The following ZNF280D variants were observed in gnomAD, a reference collection of about 807,000 sequenced individuals.
The protein encoded by ZNF280D is zinc finger protein 280D, also known as suppressor of hairy wing homolog 4.
In ZNF280D, 39 loss-of-function variants were observed where a neutral mutation model predicts 94.7. That is an observed-to-expected ratio of 0.41 (90% CI 0.32 to 0.54). The LOEUF is 0.54. ZNF280D is among the 20% of genes least tolerant of loss of function. The pLI is 0.22. For missense variants in ZNF280D, 1,090 were observed against 1,149.3 expected, an observed-to-expected ratio of 0.95 and a Z score of 0.75; for synonymous variants, 398 against 377.6, an observed-to-expected ratio of 1.05 and a Z score of -0.63.
chr15:56,676,676 C>T lies in ZNF280D; in HGVS notation c.1404G>A (p.Lys468=), dbSNP rs771009169. The change falls in exon 13 of 22, where the codon AAG becomes AAA. Residue 468 remains lysine, a synonymous_variant. Transcript: ENST00000267807. ...AAGAACTGGTAAATCTCACCTGATG[C>T]TTCATATAATGATGCATATATGGTG... ...IATPYMHHYM[K]HQKKGIHRCT... 5.6e-6 allele frequency: 9 copies of T among 1,602,888 alleles called. No homozygotes were observed. The highest frequency in any genetic ancestry group is 6.0e-6 in the Non-Finnish European group (7 of 1,175,924).
intron 7 of ZNF280D, among the ~76,000 whole-genome samples, chr15:56,691,377 T>G (rs1157524923): frequency 1.3e-5 from 2 of 152,168 alleles, no homozygotes; most frequent in Non-Finnish European, 1.5e-5. Flanking sequence ...CACATTCTTG[T>G]GAGATGTTTA....
At chr15:56,706,487 TAACA>T (rs576405212) in intron 3 of ZNF280D, among the ~76,000 whole-genome samples, 1 of 151,184 alleles carries the variant, frequency 6.6e-6, no homozygotes, top group Non-Finnish European at 1.5e-5. Context: ...CAAAACAAAC[TAACA>T]AACAAACAAA....
chr15:56,727,853 T>TA (rs1181265103), intron 1 of ZNF280D, among the ~76,000 whole-genome samples: 5 of 152,242 alleles, frequency 3.3e-5, no homozygotes, highest in Middle Eastern at 6.8e-3. Flanking sequence ...CCCTCAAACT[T>TA]AATCAATGAG....
At chr15:56,730,948 G>A (rs909861135) in intron 1 of ZNF280D, among the ~76,000 whole-genome samples, 2 of 152,184 alleles carry the variant, frequency 1.3e-5, no homozygotes, top group Non-Finnish European at 2.9e-5. Flanking sequence ...TTATCTAAGA[G>A]ATCAAATTTA....
chr15:56,657,199 T>C (rs1264595464), intron 17 of ZNF280D, among the ~76,000 whole-genome samples: 4 of 152,116 alleles, frequency 2.6e-5, no homozygotes, highest in African/African-American at 4.8e-5. Flanking sequence ...TAGCGCTCAG[T>C]GGATTCTAAG....
rs57017142 is a variant in ZNF280D, at chr15:56,694,294, TACACACACACACACACACACAC to T, written c.382-1101_382-1080del. Among the ~76,000 whole-genome samples the T allele has an allele frequency of 1.3e-4, 18 of 138,506 alleles. No homozygotes were observed. In the South Asian group the frequency reaches 4.1e-3, roughly 32 times the overall value. The allele number at this position is 138,506 out of a possible 152,430, so 90.9% of individuals were successfully genotyped here. A position where few individuals can be genotyped will look rare whatever the true frequency, so the allele number is the denominator to read the frequency against. ...ATTATACATTAAATATAATGACACATACACACACACACACACACACACACACACACACACACACACACACAAG... is the reference window on the plus strand; with the variant it reads ...ATTATACATTAAATATAATGACACATACACACACACACACACACACACAAG... On this transcript the variant is annotated intron_variant, in intron 6 of 21. Coordinates refer to ENST00000267807, the MANE Select transcript of ZNF280D (RefSeq NM_017661.4).
rs78247531 is a variant in ZNF280D, at chr15:56,725,064, C to G, written c.-86+8394G>C. ...AGATTAGGATTATACCTAAAACCCC[C>G]AGGCCTCTCTCAAGCCCCTCCAGGC... On this transcript the variant is annotated intron_variant, in intron 1 of 21. Coordinates refer to ENST00000267807, the MANE Select transcript of ZNF280D (RefSeq NM_017661.4). 4.9e-3 allele frequency: 1,456 copies of G among 295,586 alleles called. 15 individuals carry two copies. The highest frequency in any genetic ancestry group is 0.03 in the African/African-American group (1,366 of 45,758). 18.3% of individuals were successfully genotyped at this position (295,586 alleles called of 1,614,324 possible).
intron 1 of ZNF280D, among the ~76,000 whole-genome samples, chr15:56,732,328 C>G (rs1459695968): frequency 6.6e-6 from 1 of 152,126 alleles, no homozygotes; most frequent in African/African-American, 2.4e-5. Flanking sequence ...AAGCAAGACA[C>G]AATTACAACA....
intron 1 of ZNF280D, among the ~76,000 whole-genome samples, chr15:56,709,250 A>G (rs1207508761): frequency 6.6e-6 from 1 of 152,214 alleles, no homozygotes; most frequent in Non-Finnish European, 1.5e-5. Context: ...CAACAGACAC[A>G]TGAAAAAATG....
rs960447961 is a variant in ZNF280D, at chr15:56,706,956, T to A, written c.28+126A>T. 7.0e-5 allele frequency: 58 copies of A among 824,052 alleles called. No homozygotes were observed. In the African/African-American group the frequency reaches 8.6e-4, roughly 12 times the overall value. The allele number at this position is 824,052 out of a possible 1,614,324, so 51.0% of individuals were successfully genotyped here. A position where few individuals can be genotyped will look rare whatever the true frequency, so the allele number is the denominator to read the frequency against. On this transcript the variant is annotated intron_variant, in intron 3 of 21. Coordinates refer to ENST00000267807, the MANE Select transcript of ZNF280D (RefSeq NM_017661.4). ...TATTACTTGTTTTTATGTGAACATT[T>A]GTTACTTTAACAATTTTAAGCATTT...
intron 7 of ZNF280D, among the ~76,000 whole-genome samples, chr15:56,692,781 A>T (rs1393457876): frequency 6.6e-6 from 1 of 152,054 alleles, no homozygotes; most frequent in Admixed American, 6.5e-5. Flanking sequence ...TTTTTTAAAC[A>T]GAGTATTCAG....
intron 17 of ZNF280D, among the ~76,000 whole-genome samples, chr15:56,657,628 C>A (rs2053633272): frequency 6.6e-6 from 1 of 152,000 alleles, no homozygotes; most frequent in Non-Finnish European, 1.5e-5. Flanking sequence ...AAATTAGGTA[C>A]CCTAATATCA....
intron 4 of ZNF280D, among the ~76,000 whole-genome samples, chr15:56,703,319 C>T (rs1471628260): frequency 2.2e-4 from 33 of 152,100 alleles, no homozygotes; most frequent in African/African-American, 7.5e-4. Flanking sequence ...TGCTGGAAGA[C>T]GGATATGGTC....
At chr15:56,716,361 T>C (rs1210107709) in intron 1 of ZNF280D, among the ~76,000 whole-genome samples, 3 of 151,992 alleles carry the variant, frequency 2.0e-5, no homozygotes, top group Non-Finnish European at 4.4e-5. Flanking sequence ...ATAATTAAGT[T>C]GTTATTTGAA....
At chr15:56,697,005 G>A (rs901829116) in intron 6 of ZNF280D, among the ~76,000 whole-genome samples, 10 of 152,034 alleles carry the variant, frequency 6.6e-5, no homozygotes, top group Non-Finnish European at 1.0e-4. Flanking sequence ...TCGGTCAAAC[G>A]TTGGAAAGAT....
intron 1 of ZNF280D, among the ~76,000 whole-genome samples, chr15:56,728,846 A>T (rs2058751627): frequency 6.6e-6 from 1 of 152,210 alleles, no homozygotes; most frequent in Admixed American, 6.5e-5. Context: ...CTTTATTATT[A>T]AAAAATAAGC....
Position 56,635,083 on chromosome 15 carries a change from A to G in ZNF280D, c.2315+112T>C, listed in dbSNP as rs1371395073. ...ATTAAGAGCCATTACAGAAAATAGC[A>G]CTATATACAAACATTTAAATAGTCC... is the stretch of plus-strand genomic sequence containing the variant. On this transcript the variant is annotated intron_variant, in intron 21 of 21. Transcript: ENST00000267807. 9.8e-6 allele frequency: 5 copies of G among 511,000 alleles called. No individual in the cohort carries two copies. The African/African-American group carries it at 1.0e-4, about 10-fold the overall frequency. 31.7% of individuals were successfully genotyped at this position (511,000 alleles called of 1,614,324 possible). A position where few individuals can be genotyped will look rare whatever the true frequency, so the allele number is the denominator to read the frequency against.
rs779851124 is a variant in ZNF280D, at chr15:56,693,147, C to G, written c.450G>C (p.Gln150His). Residue 150 changes from glutamine (Q) to histidine (H), a missense_variant, in exon 7 of 22, where the codon CAG becomes CAC. Physicochemically the swap from Gln to His is conservative, Grantham distance 24. This residue lies in a region of ZNF280D where 386 missense variants were observed against 372.0 expected (regional missense o/e 1.04). Coordinates refer to ENST00000267807, the MANE Select transcript of ZNF280D (RefSeq NM_017661.4). ...CTTGGTAATGTGATAATCCTGTATC[C>G]TGGGTCAAGTCAAACAGTAACTCTG... ...KSSELLFDLT[Q>H]DTGLSHYQGG... 1.2e-6 allele frequency: 2 copies of G among 1,606,370 alleles called. No homozygotes were observed. The highest frequency in any genetic ancestry group is 1.7e-4 in the Middle Eastern group (1 of 6,044).
rs760502258 is a variant in ZNF280D, at chr15:56,682,486, G to GA, written c.781-10dup. 112,195 of 497,144 alleles carry GA rather than the reference G, an allele frequency of 0.23. 1,522 individuals carry two copies. Among genetic ancestry groups the GA allele is most frequent in the African/African-American group, 0.25 (6,817 of 27,708 alleles). 30.8% of individuals were successfully genotyped at this position (497,144 alleles called of 1,614,324 possible). A position where few individuals can be genotyped will look rare whatever the true frequency, so the allele number is the denominator to read the frequency against. On this transcript the variant is annotated splice_polypyrimidine_tract_variant and intron_variant, in intron 9 of 21. Coordinates refer to ENST00000267807, the MANE Select transcript of ZNF280D (RefSeq NM_017661.4). The stretch of plus-strand genomic sequence containing the variant: ...ATGTCTGGACAACAATACTGAAAGA[G>GA]AAAAAAAAAAAAAAAAAACAAGCCT...
Sources: gnomAD v4.1 joint callset for allele counts (sites outside exome capture counted in the v4.1 genomes callset) on GRCh38, gnomAD v4.1.1 for gene constraint, gnomAD v4.1.1 regional missense constraint, MANE v1.5 for transcripts, NCBI Gene and HGNC (gene_info 2026-07-23, HGNC 2026-07-21) for gene names.